Variants in MEIS2 observed in about 807,000 individuals in gnomAD.
MEIS2 encodes the protein Meis homeobox 2.
In MEIS2, 9 loss-of-function variants were observed where a neutral mutation model predicts 58.6. The ratio of observed to expected loss-of-function variants is 0.15; its 90% CI spans 0.09 to 0.27. The LOEUF is 0.27. MEIS2 is among the 10% of genes least tolerant of loss of function. MEIS2 has a pLI of 1.00. For synonymous variants in MEIS2, 221 were observed against 228.4 expected, an observed-to-expected ratio of 0.97 and a Z score of 0.29; for missense variants, 427 against 635.0, an observed-to-expected ratio of 0.67 and a Z score of 3.52.
chr15:36,968,906 A>G (rs1323090049), intron 8 of MEIS2, among the ~76,000 whole-genome samples: 1 of 152,236 alleles, frequency 6.6e-6, no homozygotes, highest in African/African-American at 2.4e-5. Flanking sequence ...TGAGGATCTC[A>G]GTAAAAAAGT....
intron 9 of MEIS2, among the ~76,000 whole-genome samples, chr15:36,920,414 T>C (rs575109315): frequency 1.6e-4 from 24 of 152,370 alleles, no homozygotes; most frequent in African/African-American, 5.8e-4. Context: ...CCCAAAGTGC[T>C]GGGATTACAG....
chr15:37,081,304 T>C (rs1366681929), intron 7 of MEIS2, among the ~76,000 whole-genome samples: 1 of 152,214 alleles, frequency 6.6e-6, no homozygotes, highest in African/African-American at 2.4e-5. Flanking sequence ...AACATTATAA[T>C]ATATTTAATA....
intron 8 of MEIS2, among the ~76,000 whole-genome samples, chr15:36,974,936 CAT>C (rs2059690172): frequency 1.3e-5 from 2 of 152,288 alleles, no homozygotes; most frequent in South Asian, 2.1e-4. Context: ...GAGTCGGTCT[CAT>C]ATTTTCCCAA....
At chr15:37,023,882 C>G (rs1053301712) in intron 8 of MEIS2, among the ~76,000 whole-genome samples, 3 of 148,970 alleles carry the variant, frequency 2.0e-5, no homozygotes, top group African/African-American at 4.9e-5. Context: ...TGCTTTGGTC[C>G]CCATCTTCAC....
intron 8 of MEIS2, among the ~76,000 whole-genome samples, chr15:36,989,263 AG>A (rs2060190902): frequency 6.6e-6 from 1 of 152,168 alleles, no homozygotes; most frequent in Non-Finnish European, 1.5e-5. Context: ...ACCAAACTAA[AG>A]CTCATGGTTT....
At chr15:37,091,145 T>A (rs767629968) in intron 6 of MEIS2, among the ~76,000 whole-genome samples, 16 of 152,152 alleles carry the variant, frequency 1.1e-4, no homozygotes, top group Non-Finnish European at 1.8e-4. Context: ...TTTTACTTTG[T>A]GTTTGGCTAG....
At chr15:36,896,511 A>T in intron 10 of MEIS2, 117 bp downstream of exon 10, 3 of 798,838 alleles carry the variant, frequency 3.8e-6, no homozygotes, top group Non-Finnish European at 5.8e-6. Context: ...CATTAAAAAA[A>T]AAAATCCAGA....
intron 8 of MEIS2, among the ~76,000 whole-genome samples, chr15:36,963,379 CAA>C (rs60924393): frequency 1.4e-3 from 165 of 121,826 alleles, no homozygotes; most frequent in Admixed American, 1.8e-3. Flanking sequence ...GACTCCATCT[CAA>C]AAAAAAAAAA....
chr15:36,910,568 C>T (rs1326673543), intron 9 of MEIS2, among the ~76,000 whole-genome samples: 1 of 152,134 alleles, frequency 6.6e-6, no homozygotes, highest in Non-Finnish European at 1.5e-5. Flanking sequence ...TATTTTTAAG[C>T]CTTTTATCAA....
chr15:37,043,625 T>C (rs1048161146), intron 7 of MEIS2, among the ~76,000 whole-genome samples: 3 of 151,956 alleles, frequency 2.0e-5, no homozygotes, highest in African/African-American at 7.3e-5. Flanking sequence ...CAAATTTCTA[T>C]AGTTCGTAGG....
rs1385581639 is a variant in MEIS2 at position 36,942,328 on chromosome 15, GTAT to G, written c.977+7993_977+7995del. On this transcript the variant is annotated intron_variant, in intron 9 of 11. Coordinates refer to ENST00000561208, the MANE Select transcript of MEIS2 (RefSeq NM_170675.5). ...TATTTTTTACAAAGTAAGGCTCTATGTATTTTTCTACCCAGGTTTCTAATAATT... is the reference window on the plus strand; with the variant it reads ...TATTTTTTACAAAGTAAGGCTCTATGTTTTCTACCCAGGTTTCTAATAATT... 9.8e-5 allele frequency among the ~76,000 whole-genome samples: 15 copies of G among 152,288 alleles called. No individual in the cohort carries two copies. The South Asian group carries it at 2.7e-3, about 27-fold the overall frequency.
intron 9 of MEIS2, among the ~76,000 whole-genome samples, chr15:36,925,786 C>T (rs148963898): frequency 1.6e-3 from 244 of 152,316 alleles, no homozygotes; most frequent in African/African-American, 5.7e-3. Context: ...CATCTTAGTG[C>T]TGTGAGCTTG....
chr15:37,002,269 A>G (rs1323083074), intron 8 of MEIS2, among the ~76,000 whole-genome samples: 1 of 37,952 alleles, frequency 2.6e-5, no homozygotes, highest in Non-Finnish European at 5.9e-5. Flanking sequence ...CCCCCACCCC[A>G]TCACCTGCCT....
At chr15:36,925,409 T>C (rs931735958) in intron 9 of MEIS2, among the ~76,000 whole-genome samples, 4 of 152,188 alleles carry the variant, frequency 2.6e-5, no homozygotes, top group African/African-American at 9.6e-5. Context: ...GATTGGCAAG[T>C]TGAATTTCCT....
At chr15:37,007,765 G>C (rs190704296) in intron 8 of MEIS2, among the ~76,000 whole-genome samples, 1 of 152,202 alleles carries the variant, frequency 6.6e-6, no homozygotes, top group East Asian at 1.9e-4. Flanking sequence ...TTTTAAAAAC[G>C]CCATCTAAGA....
chr15:37,078,636 C>CAAA (rs1891780313), intron 7 of MEIS2, among the ~76,000 whole-genome samples: 1 of 78,758 alleles, frequency 1.3e-5, no homozygotes, highest in African/African-American at 4.5e-5. Flanking sequence ...AAAAAAACAC[C>CAAA]AAAAAAGAAA....
rs569243868 is a variant in MEIS2, at chr15:36,968,779, T to C, written c.901-18379A>G. On this transcript the variant is annotated intron_variant, in intron 8 of 11. Coordinates refer to ENST00000561208, the MANE Select transcript of MEIS2 (RefSeq NM_170675.5). ...TTATATTATTCATTTAGGAGAGATA[T>C]ACATTATAGTACTTGCATTATAGAA... Among the ~76,000 whole-genome samples the C allele has an allele frequency of 1.1e-4, 17 of 152,346 alleles. No individual in the cohort carries two copies. The East Asian group carries it at 3.3e-3, about 29-fold the overall frequency.
intron 8 of MEIS2, among the ~76,000 whole-genome samples, chr15:37,007,323 G>A (rs937179687): frequency 6.6e-6 from 1 of 152,038 alleles, no homozygotes; most frequent in Non-Finnish European, 1.5e-5. Flanking sequence ...GAAGCCAGGG[G>A]TTCAAGACCA....
chr15:37,098,924 T>G (rs560467240), intron 1 of MEIS2: 4 of 985,630 alleles, frequency 4.1e-6, no homozygotes, highest in South Asian at 4.6e-5. Context: ...TAGCAGCGGA[T>G]TCCCTGCGTC....
Sources: gnomAD v4.1 joint callset for allele counts (sites outside exome capture counted in the v4.1 genomes callset) on GRCh38, gnomAD v4.1.1 for gene constraint, MANE v1.5 for transcripts, NCBI Gene and HGNC (gene_info 2026-07-23, HGNC 2026-07-21) for gene names.